NKAIN3: variants seen among roughly 807,000 people sequenced by gnomAD.
NKAIN3 encodes sodium/potassium transporting ATPase interacting 3.
Under a neutral mutation model 30.2 loss-of-function variants are expected in NKAIN3, and 25 were observed. That is an observed-to-expected ratio of 0.83 (90% CI 0.60 to 1.16). NKAIN3 has a LOEUF of 1.16. Ranked by LOEUF, NKAIN3 falls within the 50% of genes most tolerant of loss-of-function variation. The pLI is 0.00. For synonymous variants in NKAIN3, 91 were observed against 89.6 expected (o/e 1.02, Z -0.09); for missense variants, 225 against 254.1 (o/e 0.89, Z 0.78).
chr8:62,698,202 G>A (rs1814224784), intron 3 of NKAIN3, among the ~76,000 whole-genome samples: 1 of 152,144 alleles, frequency 6.6e-6, no homozygotes, highest in African/African-American at 2.4e-5. Flanking sequence ...AATGGAATAA[G>A]CATTATTTTA....
chr8:62,350,216 A>G (rs1448072697), intron 1 of NKAIN3, among the ~76,000 whole-genome samples: 7 of 152,352 alleles, frequency 4.6e-5, no homozygotes, highest in South Asian at 2.1e-4. Context: ...AAATCATCCA[A>G]AAGTCCATTG....
intron 4 of NKAIN3, among the ~76,000 whole-genome samples, chr8:62,769,290 C>T (rs766891361): frequency 1.3e-5 from 2 of 152,090 alleles, no homozygotes; most frequent in Non-Finnish European, 2.9e-5. Context: ...AAATAATATG[C>T]CCCAATTATC....
chr8:62,323,161 A>T (rs908458915), intron 1 of NKAIN3, among the ~76,000 whole-genome samples: 2 of 152,220 alleles, frequency 1.3e-5, no homozygotes, highest in Non-Finnish European at 2.9e-5. Flanking sequence ...CTTATGACTC[A>T]GCAATTACAT....
At chr8:62,925,710 T>C (rs16929879) in intron 5 of NKAIN3, among the ~76,000 whole-genome samples, 13,683 of 152,212 alleles carry the variant, frequency 0.09, 641 homozygotes, top group South Asian at 0.15. Flanking sequence ...GCTCTGACAC[T>C]GCAGTTCTAT....
rs555622357 is a variant in NKAIN3, at chr8:62,530,660, C to T, written c.55-48879C>T. Among the ~76,000 whole-genome samples the T allele has an allele frequency of 2.4e-4, 37 of 151,768 alleles. No individual in the cohort carries two copies. In the South Asian group the frequency reaches 4.8e-3, roughly 20 times the overall value. On this transcript the variant is annotated intron_variant, in intron 1 of 6. Coordinates refer to ENST00000623646, the MANE Select transcript of NKAIN3 (RefSeq NM_001304533.3). ...ATTTATTTATTTATTTATTTTGAGA[C>T]GGAGTTTTGATCTTGTTGCCCAAGC...
intron 1 of NKAIN3, among the ~76,000 whole-genome samples, chr8:62,454,951 A>G (rs1216658122): frequency 6.6e-6 from 1 of 152,192 alleles, no homozygotes; most frequent in Non-Finnish European, 1.5e-5. Context: ...TTGTGATACA[A>G]TTCAAGTGAA....
chr8:62,714,646 A>G (rs987840537), intron 3 of NKAIN3, among the ~76,000 whole-genome samples: 38 of 152,312 alleles, frequency 2.5e-4, no homozygotes, highest in African/African-American at 8.7e-4. Context: ...TTTAATGAAT[A>G]CAAGCTATGT....
intron 1 of NKAIN3, among the ~76,000 whole-genome samples, chr8:62,387,405 T>C (rs16928854): frequency 0.033 from 5,083 of 152,090 alleles, 324 homozygotes; most frequent in African/African-American, 0.12. Context: ...TTTTGACCTC[T>C]GATTAAGTCA....
intron 3 of NKAIN3, among the ~76,000 whole-genome samples, chr8:62,637,579 A>C (rs949830479): frequency 6.6e-6 from 1 of 152,172 alleles, no homozygotes; most frequent in African/African-American, 2.4e-5. Flanking sequence ...TGTTGCTACT[A>C]TTAGACGAGC....
At chr8:62,886,856 C>T (rs1445608447) in intron 4 of NKAIN3, among the ~76,000 whole-genome samples, 2 of 152,158 alleles carry the variant, frequency 1.3e-5, no homozygotes, top group Non-Finnish European at 2.9e-5. Flanking sequence ...GTGATGTTCT[C>T]CTCCCTGGGT....
At chr8:62,729,067 AAAGACATTGGCAAGAGAAT>A (rs1479594070) in intron 3 of NKAIN3, among the ~76,000 whole-genome samples, 2 of 146,328 alleles carry the variant, frequency 1.4e-5, no homozygotes, top group Non-Finnish European at 3.0e-5. Flanking sequence ...CTGCTCTGCA[AAAGACATTGGCAAGAGAAT>A]AAGACAGGCC....
intron 3 of NKAIN3, among the ~76,000 whole-genome samples, chr8:62,669,283 G>A (rs1200579471): frequency 6.6e-6 from 1 of 152,104 alleles, no homozygotes; most frequent in Non-Finnish European, 1.5e-5. Flanking sequence ...CCATCTGAAG[G>A]CTTTTCGTCC....
At chr8:62,986,181 C>T (rs936220556), downstream of NKAIN3, among the ~76,000 whole-genome samples, 10 of 152,150 alleles carry the variant, frequency 6.6e-5, no homozygotes, top group African/African-American at 2.2e-4. Context: ...ATTTGGAGAT[C>T]TGTGCTAAAG....
At chr8:62,946,860 T>A (rs1031042694) in intron 5 of NKAIN3, among the ~76,000 whole-genome samples, 1 of 152,296 alleles carries the variant, frequency 6.6e-6, no homozygotes, top group African/African-American at 2.4e-5. Context: ...AAACACAATG[T>A]TATAGGGGAT....
intron 4 of NKAIN3, among the ~76,000 whole-genome samples, chr8:62,883,747 C>G (rs1821064135): frequency 6.6e-6 from 1 of 151,748 alleles, no homozygotes; most frequent in East Asian, 1.9e-4. Flanking sequence ...GATTTTTGCT[C>G]TAATTTTTAT....
At chr8:62,523,680 G>T (rs1254099771) in intron 1 of NKAIN3, among the ~76,000 whole-genome samples, 1 of 152,022 alleles carries the variant, frequency 6.6e-6, no homozygotes, top group African/African-American at 2.4e-5. Context: ...GACACTGTGG[G>T]GCCCTCCAAG....
At chr8:62,469,289 C>G (rs956557000) in intron 1 of NKAIN3, among the ~76,000 whole-genome samples, 9 of 152,164 alleles carry the variant, frequency 5.9e-5, no homozygotes, top group Admixed American at 3.3e-4. Context: ...GGCTATTAGG[C>G]AATACCTGGG....
At chr8:62,714,543 A>ATT (rs1389015499) in intron 3 of NKAIN3, among the ~76,000 whole-genome samples, 8 of 152,180 alleles carry the variant, frequency 5.3e-5, no homozygotes, top group African/African-American at 1.9e-4. Context: ...AGCCCTATAC[A>ATT]TTATTGTTCT....
chr8:62,358,915 C>T (rs890233707), intron 1 of NKAIN3, among the ~76,000 whole-genome samples: 1 of 152,182 alleles, frequency 6.6e-6, no homozygotes, highest in African/African-American at 2.4e-5. Flanking sequence ...GGCGCGGTGG[C>T]TCACGCCTGT....
Sources: gnomAD v4.1 joint callset for allele counts (sites outside exome capture counted in the v4.1 genomes callset) on GRCh38, gnomAD v4.1.1 for gene constraint, MANE v1.5 for transcripts, NCBI Gene and HGNC (gene_info 2026-07-23, HGNC 2026-07-21) for gene names.